The following MIEF1 variants were observed in gnomAD, a reference collection of about 807,000 sequenced individuals.
MIEF1 encodes mitochondrial dynamics protein MIEF1.
A neutral mutation model predicts 35.1 loss-of-function variants in MIEF1; 14 were observed. The ratio of observed to expected loss-of-function variants is 0.40; its 90% confidence interval spans 0.26 to 0.62. The LOEUF (loss-of-function observed/expected upper bound fraction) is 0.62, where lower values mean the gene tolerates loss of function less well. Ranked by LOEUF, MIEF1 falls within the 20% of genes least tolerant of loss-of-function variation. The probability of loss-of-function intolerance (pLI) is 0.43; values close to 1 mark genes in which losing one functional copy is unlikely to be tolerated. For synonymous variants in MIEF1, 245 were observed against 254.3 expected (o/e 0.96, Z 0.35); for missense variants, 542 against 615.4 (o/e 0.88, Z 1.26).
rs1472031214 is a variant in MIEF1, at chr22:39,517,604, C to T, written c.*3281C>T. On this transcript the variant is annotated 3_prime_UTR_variant, in exon 6 of 6. Coordinates refer to ENST00000325301, the MANE Select transcript of MIEF1 (RefSeq NM_019008.6). The stretch of plus-strand genomic sequence containing the variant: ...ACTGCGAGTGTCCAGAGCTCTCTGC[C>T]ATGATACTTCCTTGGGACTGACTTG... 1.1e-5 allele frequency: 5 copies of T among 471,180 alleles called. No homozygotes were observed. The highest frequency in any genetic ancestry group is 3.1e-5 in the South Asian group (2 of 64,564). 29.2% of individuals were successfully genotyped at this position (471,180 alleles called of 1,614,324 possible). A position where few individuals can be genotyped will look rare whatever the true frequency, so the allele number is the denominator to read the frequency against.
rs757521269 is a variant in MIEF1, at chr22:39,511,348, G to A, written c.54G>A (p.Thr18=). ...KGKKDDNGIG[T]AIDFVLSNAR... ...AGAAGGATGACAATGGCATTGGCAC[G>A]GCCATTGACTTTGTGCTCTCCAATG... Residue 18 remains threonine, a synonymous_variant, in exon 3 of 6, where the codon ACG becomes ACA. Coordinates refer to ENST00000325301, the MANE Select transcript of MIEF1 (RefSeq NM_019008.6). The A allele has an allele frequency of 1.1e-5, 18 of 1,613,850 alleles. No homozygotes were observed. The highest frequency in any genetic ancestry group is 1.4e-5 in the Non-Finnish European group (17 of 1,179,868).
Position 39,511,208 on chromosome 22 carries a change from C to T in MIEF1, c.-7-80C>T, listed in dbSNP as rs1013948479. 5.7e-6 allele frequency: 9 copies of T among 1,583,308 alleles called. No homozygotes were observed. In the African/African-American group the frequency reaches 6.8e-5, roughly 12 times the overall value. On this transcript the variant is annotated intron_variant, in intron 2 of 5. Transcript: ENST00000325301. ...GCTGGAACTCACAGAGTACCCTGTA[C>T]TTGTTGGGGTTTGGCTTGTTAGGGG...
In MIEF1 at chr22:39,513,785, A is replaced by G. The variant is rs1340551214; in HGVS notation, c.854A>G (p.Tyr285Cys). ...NWPAIGSLLD[Y>C]VIRPAPPPEA... ...CCAGCCATAGGGTCCCTCTTGGACT[A>G]TGTGATCCGCCCGGCCCCACCCCCA... The change falls in exon 6 of 6, where the codon TAT becomes TGT. Residue 285 changes from tyrosine to cysteine, a missense_variant. Coordinates refer to ENST00000325301, the MANE Select transcript of MIEF1 (RefSeq NM_019008.6). The G allele has an allele frequency of 8.1e-6, 13 of 1,613,928 alleles. No homozygotes were observed. Among genetic ancestry groups the G allele is most frequent in the East Asian group, 4.5e-5 (2 of 44,880 alleles).
chr22:39,512,054 A>T (rs376342920), intron 4 of MIEF1, 28 bp downstream of exon 4: 19 of 1,599,764 alleles, frequency 1.2e-5, no homozygotes, highest in Non-Finnish European at 1.6e-5. Context: ...CCCTCCTGGG[A>T]CCTCTCTGGA....
chr22:39,502,671 CTG>C (rs929449250), intron 1 of MIEF1, among the ~76,000 whole-genome samples: 2 of 152,230 alleles, frequency 1.3e-5, no homozygotes, highest in Admixed American at 6.5e-5. Flanking sequence ...GCCCTGGCCT[CTG>C]GGCCTCCGCA....
At position 39,515,224 on chromosome 22, in the gene MIEF1, A is replaced by T. The variant is rs1300311531; in HGVS notation, c.*901A>T. ...CACACCTTTTCCTTATTTTATTGCC[A>T]ATCAGGACAAGGCCTTGAAGGAACG... On this transcript the variant is annotated 3_prime_UTR_variant, in exon 6 of 6. Coordinates refer to ENST00000325301, the MANE Select transcript of MIEF1 (RefSeq NM_019008.6). The T allele has an allele frequency of 2.1e-5, 15 of 703,364 alleles. No homozygotes were observed. Among genetic ancestry groups the T allele is most frequent in the Non-Finnish European group, 2.9e-5 (11 of 378,384 alleles). The allele number at this position is 703,364 out of a possible 1,614,324, so 43.6% of individuals were successfully genotyped here. A position where few individuals can be genotyped will look rare whatever the true frequency, so the allele number is the denominator to read the frequency against.
chr22:39,511,463 G>A, intron 3 of MIEF1, 25 bp downstream of exon 3: 1 of 1,531,742 alleles, frequency 6.5e-7, no homozygotes, highest in Non-Finnish European at 8.8e-7. Flanking sequence ...CCAGGGCTGG[G>A]GGTGGAATGT....
chr22:39,511,216 G>A, intron 2 of MIEF1, 72 bp from the exon 3 acceptor site: 1 of 1,597,114 alleles, frequency 6.3e-7, no homozygotes, highest in Non-Finnish European at 8.5e-7. Flanking sequence ...TACTTGTTGG[G>A]GTTTGGCTTG....
At position 39,513,717 on chromosome 22, in the gene MIEF1, C is replaced by T. The variant is rs2232090; in HGVS notation, c.786C>T (p.Val262=). 5.1e-3 allele frequency: 8,277 copies of T among 1,614,116 alleles called. 358 individuals are homozygous for T. In the African/African-American group the frequency reaches 0.092, roughly 18 times the overall value. Residue 262 remains valine (V), a synonymous_variant, in exon 6 of 6, where the codon GTC becomes GTT. Coordinates refer to ENST00000325301, the MANE Select transcript of MIEF1 (RefSeq NM_019008.6). ...GGGGCTACCTCTCTCCAAAGACAGT[C>T]GCAGATACATTTGAGAAGGTAGTGG... ...VVGGYLSPKT[V]ADTFEKVVAG... is the part of the protein sequence containing the mutation.
intron 4 of MIEF1, 28 bp downstream of exon 4, chr22:39,512,054 A>C (rs376342920): frequency 1.3e-4 from 203 of 1,599,764 alleles, no homozygotes; most frequent in Non-Finnish European, 1.7e-4. Context: ...CCCTCCTGGG[A>C]CCTCTCTGGA....
chr22:39,512,681 C>T (rs1473291070), intron 5 of MIEF1, among the ~76,000 whole-genome samples, 187 bp downstream of exon 5: 1 of 152,068 alleles, frequency 6.6e-6, no homozygotes, highest in East Asian at 1.9e-4. Flanking sequence ...GAGTCTCACT[C>T]TGTCGCCCAG....
At position 39,515,653 on chromosome 22, in the gene MIEF1, T is replaced by C; in HGVS notation, c.*1330T>C. 1 of 403,730 alleles carries C rather than the reference T, an allele frequency of 2.5e-6. No individual in the cohort carries two copies. Among genetic ancestry groups the C allele is most frequent in the Non-Finnish European group, 4.5e-6 (1 of 224,286 alleles). 25.0% of individuals were successfully genotyped at this position (403,730 alleles called of 1,614,324 possible). On this transcript the variant is annotated 3_prime_UTR_variant, in exon 6 of 6. Transcript: ENST00000325301. Reference sequence around the variant, plus strand: ...GCTGAGATTGCAGTATTTATTGCAATGTAAATGTATCCTGAAGGTGGGGAG... The same window carrying C: ...GCTGAGATTGCAGTATTTATTGCAACGTAAATGTATCCTGAAGGTGGGGAG...
At position 39,514,830 on chromosome 22, in the gene MIEF1, C is replaced by T. The variant is rs780358322; in HGVS notation, c.*507C>T. The T allele has an allele frequency of 2.1e-5, 5 of 243,898 alleles. No homozygotes were observed. Among genetic ancestry groups the T allele is most frequent in the Non-Finnish European group, 4.0e-5 (5 of 124,638 alleles). The allele number at this position is 243,898 out of a possible 1,614,324, so 15.1% of individuals were successfully genotyped here. ...TAGCATGTTTCAAAGCTGAACTCTA[C>T]AGAGCGAGTGCTGAGACAGTATTTA... is the stretch of plus-strand genomic sequence containing the variant. On this transcript the variant is annotated 3_prime_UTR_variant, in exon 6 of 6. Coordinates refer to ENST00000325301, the MANE Select transcript of MIEF1 (RefSeq NM_019008.6).
chr22:39,501,069 C>A (rs1601737953), upstream of MIEF1, among the ~76,000 whole-genome samples: 1 of 152,126 alleles, frequency 6.6e-6, no homozygotes, highest in South Asian at 2.1e-4. Context: ...CCAGACAGAT[C>A]CCATTGAAAG....
intron 5 of MIEF1, among the ~76,000 whole-genome samples, chr22:39,512,898 C>T (rs964914069): frequency 6.6e-6 from 1 of 152,196 alleles, no homozygotes; most frequent in African/African-American, 2.4e-5. Context: ...ATCCACCCAC[C>T]TCGGCCTCCC....
At chr22:39,506,470 T>G (rs4821903) in intron 2 of MIEF1, among the ~76,000 whole-genome samples, 70,052 of 152,030 alleles carry the variant, frequency 0.46, 17,720 homozygotes, top group African/African-American at 0.68. Flanking sequence ...TCTTCATCCT[T>G]TAAATTTGGG....
chr22:39,512,262 T>C lies in MIEF1; in HGVS notation c.353T>C (p.Val118Ala). The change falls in exon 5 of 6, where the codon GTG (valine) becomes GCG (alanine). Residue 118 changes from valine to alanine, a missense_variant. Coordinates refer to ENST00000325301, the MANE Select transcript of MIEF1 (RefSeq NM_019008.6). Reference protein sequence around the residue: ...DTFCPPRPKPVARKGQVDLKK... With the variant: ...DTFCPPRPKPAARKGQVDLKK... ...TTCTGCCCGCCCCGGCCCAAGCCAGTGGCCAGGAAGGGCCAGGTAGACTTG... is the reference window on the plus strand; with the variant it reads ...TTCTGCCCGCCCCGGCCCAAGCCAGCGGCCAGGAAGGGCCAGGTAGACTTG... The C allele has an allele frequency of 1.2e-6, 2 of 1,613,850 alleles. No homozygotes were observed. Among genetic ancestry groups the C allele is most frequent in the Non-Finnish European group, 8.5e-7 (1 of 1,180,002 alleles).
At position 39,514,501 on chromosome 22, in the gene MIEF1, A is replaced by G. The variant is rs1044872569; in HGVS notation, c.*178A>G. ...TCTTTCGTCTCCTATTTTGTTACCC[A>G]ACTCTTCCTATTTTTGTTACCAATC... is the stretch of plus-strand genomic sequence containing the variant. On this transcript the variant is annotated 3_prime_UTR_variant, in exon 6 of 6. Transcript: ENST00000325301. The G allele has an allele frequency of 4.7e-6, 3 of 638,670 alleles. No individual in the cohort carries two copies. The highest frequency in any genetic ancestry group is 8.0e-6 in the Non-Finnish European group (3 of 375,534). The allele number at this position is 638,670 out of a possible 1,614,324, so 39.6% of individuals were successfully genotyped here. A position where few individuals can be genotyped will look rare whatever the true frequency, so the allele number is the denominator to read the frequency against.
chr22:39,508,423 A>G lies in MIEF1; in HGVS notation c.-7-2865A>G, dbSNP rs143208271. Among the ~76,000 whole-genome samples the G allele has an allele frequency of 1.6e-3, 249 of 152,328 alleles. 2 individuals carry two copies. The highest frequency in any genetic ancestry group is 5.9e-3 in the African/African-American group (245 of 41,574). ...CTTCTGGCCCTGCTGCATCACACTC[A>G]AGGATCATTTAGAGGGCACATGTGT... is the stretch of plus-strand genomic sequence containing the variant. On this transcript the variant is annotated intron_variant, in intron 2 of 5. Coordinates refer to ENST00000325301, the MANE Select transcript of MIEF1 (RefSeq NM_019008.6).
Sources: allele counts gnomAD v4.1 joint callset (sites outside exome capture counted in the v4.1 genomes callset), GRCh38; gene constraint gnomAD v4.1.1; transcripts MANE v1.5; gene names NCBI Gene and HGNC (gene_info 2026-07-23, HGNC 2026-07-21).